Variants in GPM6A observed in about 807,000 individuals in gnomAD.
The protein encoded by GPM6A is glycoprotein M6A.
Under a neutral mutation model 32.1 loss-of-function variants are expected in GPM6A, and 7 were observed. The observed-to-expected ratio is 0.22, with a 90% CI of 0.12 to 0.41. The LOEUF (loss-of-function observed/expected upper bound fraction) is 0.41. GPM6A is among the 10% of genes least tolerant of loss of function. The pLI is 1.00. For missense variants in GPM6A, 235 were observed against 347.2 expected (o/e 0.68, Z 2.57); for synonymous variants, 130 against 123.4 (o/e 1.05, Z -0.35).
rs531897184 is a variant in GPM6A at position 175,824,603 on chromosome 4, C to T, written c.-22-12354G>A. On this transcript the variant is annotated intron_variant, in intron 1 of 7. Coordinates refer to the GPM6A transcript ENST00000280187. ...TGCCTGTCATTGTGGTCAGAAACCA[C>T]GAGCTACACTTGTTTCTCCCTTACC... 5.6e-4 allele frequency among the ~76,000 whole-genome samples: 85 copies of T among 152,128 alleles called. No homozygotes were observed. The South Asian group carries it at 7.9e-3, about 14-fold the overall frequency.
At chr4:175,753,395 T>C (rs1322294605) in intron 1 of GPM6A, among the ~76,000 whole-genome samples, 2 of 152,144 alleles carry the variant, frequency 1.3e-5, no homozygotes, top group Admixed American at 6.6e-5. Flanking sequence ...AGGCATATTA[T>C]TAACTTAGAT....
Position 175,906,211 on chromosome 4 carries a change from G to C in GPM6A, c.-22-93962C>G, listed in dbSNP as rs76570715. On this transcript the variant is annotated intron_variant, in intron 1 of 7. Coordinates refer to the GPM6A transcript ENST00000280187. ...CAAGCCTAAGAAGTAGTGGGTGAAA[G>C]ATAGAAAGTCATCACTGAATTTTGA... Among the ~76,000 whole-genome samples the C allele has an allele frequency of 8.5e-3, 1,287 of 152,216 alleles. 17 individuals carry two copies. The highest frequency in any genetic ancestry group is 0.029 in the African/African-American group (1,221 of 41,532).
At chr4:175,824,069 T>C (rs1372166265) in intron 1 of GPM6A, among the ~76,000 whole-genome samples, 1 of 152,160 alleles carries the variant, frequency 6.6e-6, no homozygotes, top group Non-Finnish European at 1.5e-5. Flanking sequence ...TACTCTCCAT[T>C]AAGGAGAAAA....
intron 1 of GPM6A, among the ~76,000 whole-genome samples, chr4:175,997,678 T>A (rs1741350651): frequency 6.6e-6 from 1 of 151,932 alleles, no homozygotes; most frequent in Non-Finnish European, 1.5e-5. Context: ...ATAGTTTTCC[T>A]GAAAAAAAAG....
chr4:175,790,686 G>C (rs1372051284), intron 1 of GPM6A, among the ~76,000 whole-genome samples: 1 of 152,118 alleles, frequency 6.6e-6, no homozygotes, highest in African/African-American at 2.4e-5. Flanking sequence ...AATTTATGAA[G>C]GCATAGGGAA....
intron 1 of GPM6A, among the ~76,000 whole-genome samples, chr4:175,867,323 C>T (rs1438012789): frequency 2.0e-5 from 3 of 152,142 alleles, no homozygotes; most frequent in Non-Finnish European, 4.4e-5. Context: ...AAAAAGTCAT[C>T]ACCATACCCA....
chr4:175,843,598 G>C (rs958924851), intron 1 of GPM6A, among the ~76,000 whole-genome samples: 3 of 152,194 alleles, frequency 2.0e-5, no homozygotes, highest in African/African-American at 7.2e-5. Context: ...AGCTTCATAG[G>C]CAGGCAACCT....
intron 1 of GPM6A, chr4:175,781,403 A>G (rs1733611482): frequency 6.6e-6 from 1 of 152,182 alleles, no homozygotes; most frequent in Non-Finnish European, 1.5e-5. Context: ...GATTTCATGT[A>G]TCATTAATGA....
intron 1 of GPM6A, among the ~76,000 whole-genome samples, chr4:175,805,647 GTCTT>G (rs1034263342): frequency 6.6e-6 from 1 of 152,130 alleles, no homozygotes; most frequent in East Asian, 1.9e-4. Context: ...GTAAGAAAGT[GTCTT>G]TCTTTCTTTG....
chr4:175,840,402 G>T (rs1735898064), intron 1 of GPM6A, among the ~76,000 whole-genome samples: 1 of 152,232 alleles, frequency 6.6e-6, no homozygotes, highest in East Asian at 1.9e-4. Context: ...TGCAGTCCGG[G>T]TGCGGTGGCT....
At chr4:175,837,467 G>C (rs1280286532) in intron 1 of GPM6A, among the ~76,000 whole-genome samples, 3 of 152,220 alleles carry the variant, frequency 2.0e-5, no homozygotes, top group Non-Finnish European at 4.4e-5. Context: ...ACCTGCTAGA[G>C]AGCTACTACA....
chr4:176,001,659 T>C (rs1232870706), intron 1 of GPM6A, among the ~76,000 whole-genome samples: 2 of 152,134 alleles, frequency 1.3e-5, no homozygotes, highest in Non-Finnish European at 2.9e-5. Flanking sequence ...GTGGACGCCC[T>C]TTTAATCACG....
chr4:175,919,320 C>A (rs1231943653), intron 1 of GPM6A, among the ~76,000 whole-genome samples: 1 of 152,140 alleles, frequency 6.6e-6, no homozygotes, highest in Non-Finnish European at 1.5e-5. Context: ...GTGGGTCTCA[C>A]TCCACCATAA....
intron 2 of GPM6A, among the ~76,000 whole-genome samples, chr4:175,684,406 T>C (rs1037460455): frequency 1.3e-5 from 2 of 152,226 alleles, no homozygotes; most frequent in African/African-American, 4.8e-5. Context: ...CCATGCCTTC[T>C]TCTAGCATGT....
At chr4:175,950,737 C>T (rs1435928874) in intron 1 of GPM6A, among the ~76,000 whole-genome samples, 1 of 152,138 alleles carries the variant, frequency 6.6e-6, no homozygotes, top group Non-Finnish European at 1.5e-5. Context: ...GTATTATTTT[C>T]ATGAAAGTAT....
chr4:175,816,896 AAAG>A (rs1489324026), upstream of GPM6A, among the ~76,000 whole-genome samples: 1 of 151,698 alleles, frequency 6.6e-6, no homozygotes, highest in Non-Finnish European at 1.5e-5. Flanking sequence ...AGTCTCGCTC[AAAG>A]CCCAGGCTGG....
At chr4:175,855,142 T>G (rs1204960335) in intron 1 of GPM6A, among the ~76,000 whole-genome samples, 1 of 152,152 alleles carries the variant, frequency 6.6e-6, no homozygotes, top group Non-Finnish European at 1.5e-5. Flanking sequence ...AAGAAAAATT[T>G]CAAAATTTCT....
chr4:175,836,710 CA>C (rs33941974), intron 1 of GPM6A, among the ~76,000 whole-genome samples: 51,968 of 148,990 alleles, frequency 0.35, 8,948 homozygotes, highest in African/African-American at 0.38. Flanking sequence ...ACAGCTTGAG[CA>C]AAAAAAAAAT....
chr4:175,678,903 A>G (rs2111000573), intron 2 of GPM6A, among the ~76,000 whole-genome samples: 1 of 152,314 alleles, frequency 6.6e-6, no homozygotes, highest in East Asian at 1.9e-4. Context: ...GCAACTTTAC[A>G]TCCTTTCTCT....
Sources: allele counts gnomAD v4.1 joint callset (sites outside exome capture counted in the v4.1 genomes callset), GRCh38; gene constraint gnomAD v4.1.1; transcripts MANE v1.5; gene names NCBI Gene and HGNC (gene_info 2026-07-23, HGNC 2026-07-21).